Variants in LDLRAD3 observed in about 807,000 individuals in gnomAD.
The protein encoded by LDLRAD3 is low-density lipoprotein receptor class A domain-containing protein 3.
A neutral mutation model predicts 29.4 loss-of-function variants in LDLRAD3; 20 were observed. The ratio of observed to expected loss-of-function variants is 0.68; its 90% CI spans 0.48 to 0.99. The LOEUF (loss-of-function observed/expected upper bound fraction) is 0.99, where lower values mean the gene tolerates loss of function less well. Ranked by LOEUF, LDLRAD3 falls within the 50% of genes least tolerant of loss-of-function variation. The pLI is 0.00. For missense variants in LDLRAD3, 420 were observed against 454.3 expected (o/e 0.92, Z 0.69); for synonymous variants, 157 against 192.7 (o/e 0.81, Z 1.53).
At chr11:36,082,116 A>G (rs1853124932) in intron 3 of LDLRAD3, among the ~76,000 whole-genome samples, 1 of 152,226 alleles carries the variant, frequency 6.6e-6, no homozygotes, top group Non-Finnish European at 1.5e-5. Flanking sequence ...AGCTCATAAG[A>G]AGCAGAGCCA....
intron 1 of LDLRAD3, among the ~76,000 whole-genome samples, chr11:36,017,551 T>C (rs201993154): frequency 4.1e-5 from 4 of 98,032 alleles, no homozygotes; most frequent in African/African-American, 1.4e-4. Flanking sequence ...TTTTTTTTTT[T>C]TGAGTCTCGC....
chr11:36,081,564 C>T, intron 2 of LDLRAD3, 89 bp from the exon 3 acceptor site: 1 of 1,525,480 alleles, frequency 6.6e-7, no homozygotes, highest in African/African-American at 1.4e-5. Context: ...CTTAAGTGGA[C>T]TCATTTTCAC....
At chr11:36,212,499 CT>C (rs1855295701) in intron 4 of LDLRAD3, among the ~76,000 whole-genome samples, 1 of 151,310 alleles carries the variant, frequency 6.6e-6, no homozygotes, top group African/African-American at 2.4e-5. Context: ...TGAATTCCTA[CT>C]TAAAAAATGC....
chr11:36,055,045 G>A (rs1443693515), intron 2 of LDLRAD3, among the ~76,000 whole-genome samples: 2 of 20,224 alleles, frequency 9.9e-5, no homozygotes, highest in South Asian at 1.3e-3. Flanking sequence ...ATGGATGCAT[G>A]GATGGATAGA....
intron 4 of LDLRAD3, among the ~76,000 whole-genome samples, chr11:36,137,184 G>A (rs1306872512): frequency 1.3e-5 from 2 of 152,198 alleles, no homozygotes; most frequent in Non-Finnish European, 2.9e-5. Flanking sequence ...CCAGCAACCT[G>A]AACTGAGGTT....
chr11:36,111,351 C>G (rs185088265), intron 4 of LDLRAD3, among the ~76,000 whole-genome samples: 1 of 152,144 alleles, frequency 6.6e-6, no homozygotes, highest in Non-Finnish European at 1.5e-5. Context: ...ATATCCTCCC[C>G]CTCCTGCTTC....
intron 4 of LDLRAD3, among the ~76,000 whole-genome samples, chr11:36,122,714 C>T (rs1263351671): frequency 6.6e-6 from 1 of 152,116 alleles, no homozygotes; most frequent in Non-Finnish European, 1.5e-5. Context: ...CTGCTTGCTT[C>T]CTTTTCTATG....
intron 4 of LDLRAD3, among the ~76,000 whole-genome samples, chr11:36,146,962 G>A (rs1047530765): frequency 6.6e-6 from 1 of 151,330 alleles, no homozygotes; most frequent in Non-Finnish European, 1.5e-5. Flanking sequence ...GCTAATTTTT[G>A]TATTTTTAGT....
intron 4 of LDLRAD3, among the ~76,000 whole-genome samples, chr11:36,214,054 G>T (rs1855320109): frequency 6.6e-6 from 1 of 152,172 alleles, no homozygotes; most frequent in Non-Finnish European, 1.5e-5. Flanking sequence ...TAATCCCGCT[G>T]TCCCTTCATT....
At chr11:36,189,045 A>G (rs1854899121) in intron 4 of LDLRAD3, among the ~76,000 whole-genome samples, 1 of 152,038 alleles carries the variant, frequency 6.6e-6, no homozygotes, top group Non-Finnish European at 1.5e-5. Flanking sequence ...ACTCATTGAA[A>G]TTGTACAATT....
At chr11:35,981,094 C>T (rs937889729) in intron 1 of LDLRAD3, among the ~76,000 whole-genome samples, 1 of 151,842 alleles carries the variant, frequency 6.6e-6, no homozygotes, top group Non-Finnish European at 1.5e-5. Flanking sequence ...GTAAGTTTCC[C>T]TTTGGGGCCA....
intron 2 of LDLRAD3, among the ~76,000 whole-genome samples, chr11:36,058,051 T>C (rs1315700810): frequency 6.6e-6 from 1 of 152,176 alleles, no homozygotes; most frequent in East Asian, 1.9e-4. Context: ...TGATTTTCCT[T>C]TAATCATTAG....
chr11:36,131,129 G>A (rs555983345), intron 4 of LDLRAD3, among the ~76,000 whole-genome samples: 10 of 152,178 alleles, frequency 6.6e-5, no homozygotes, highest in African/African-American at 1.9e-4. Flanking sequence ...ACTCTAGGCC[G>A]GGCACAGTGG....
chr11:36,091,953 A>G (rs1853287919), intron 3 of LDLRAD3, among the ~76,000 whole-genome samples: 1 of 152,232 alleles, frequency 6.6e-6, no homozygotes, highest in Admixed American at 6.5e-5. Flanking sequence ...TCATTCTGAA[A>G]TCTGGCTGAG....
At chr11:36,017,771 C>T (rs262424) in intron 1 of LDLRAD3, among the ~76,000 whole-genome samples, 68,325 of 151,952 alleles carry the variant, frequency 0.45, 16,678 homozygotes, top group Admixed American at 0.55. Flanking sequence ...GTGATCCACC[C>T]GCTTGGCCTC....
intron 2 of LDLRAD3, among the ~76,000 whole-genome samples, chr11:36,051,273 C>G (rs532931487): frequency 6.6e-6 from 1 of 152,224 alleles, no homozygotes; most frequent in South Asian, 2.1e-4. Context: ...TGTGGTGGGT[C>G]AGTCAGGCAG....
chr11:36,164,804 A>C (rs1388314439), intron 4 of LDLRAD3, among the ~76,000 whole-genome samples: 2 of 152,248 alleles, frequency 1.3e-5, no homozygotes, highest in African/African-American at 2.4e-5. Context: ...TATGTCCCAG[A>C]TCTGGATGTT....
intron 1 of LDLRAD3, among the ~76,000 whole-genome samples, chr11:35,982,036 TGTGCCTGCACTCA>T (rs1851548941): frequency 6.6e-6 from 1 of 152,214 alleles, no homozygotes; most frequent in South Asian, 2.1e-4. Flanking sequence ...GGCCAAGTTG[TGTGCCTGCACTCA>T]GGAACAGGCA....
chr11:35,969,650 C>CA (rs1206878393), intron 1 of LDLRAD3, among the ~76,000 whole-genome samples: 3 of 152,202 alleles, frequency 2.0e-5, no homozygotes. Flanking sequence ...TTTAGGTGTC[C>CA]ATAGGCCCCG....
Sources: gnomAD v4.1 joint callset for allele counts (sites outside exome capture counted in the v4.1 genomes callset) on GRCh38, gnomAD v4.1.1 for gene constraint, MANE v1.5 for transcripts, NCBI Gene and HGNC (gene_info 2026-07-23, HGNC 2026-07-21) for gene names.